Variants in CDH8 observed in about 807,000 individuals in gnomAD.
CDH8 encodes the protein cadherin 8.
CDH8 carries 17 observed loss-of-function variants against 68.1 expected under a neutral mutation model. The ratio of observed to expected loss-of-function variants is 0.25; its 90% CI spans 0.17 to 0.37. The LOEUF (loss-of-function observed/expected upper bound fraction) is 0.37. Among genes scored for constraint, CDH8 ranks in the 10% least tolerant of loss-of-function variants. CDH8 has a pLI of 1.00. For missense variants in CDH8, 763 were observed against 999.3 expected (o/e 0.76, Z 3.19); for synonymous variants, 372 against 365.1 (o/e 1.02, Z -0.21).
At chr16:61,709,194 A>T (rs1964584569) in intron 10 of CDH8, among the ~76,000 whole-genome samples, 1 of 152,042 alleles carries the variant, frequency 6.6e-6, no homozygotes, top group Non-Finnish European at 1.5e-5. Context: ...CTATTGTAAT[A>T]GCAGAACTTA....
chr16:62,013,920 A>G (rs115524641), intron 2 of CDH8, among the ~76,000 whole-genome samples: 124 of 152,336 alleles, frequency 8.1e-4, no homozygotes, highest in African/African-American at 2.8e-3. Flanking sequence ...ATCTGCCTTC[A>G]TGAGATGACT....
In CDH8 at chr16:61,648,203, A is replaced by T. The variant is rs551471320; in HGVS notation, c.*5405T>A. On this transcript the variant is annotated 3_prime_UTR_variant, in exon 12 of 12. Transcript: ENST00000577390. ...TAATTTAACCCTGAAAATTCCTTAT[A>T]ACGTTTCTGAACTTCATTTTTCCTA... 9.8e-5 allele frequency: 18 copies of T among 183,580 alleles called. No homozygotes were observed. The highest frequency in any genetic ancestry group is 2.4e-3 in the Middle Eastern group (1 of 414). 11.4% of individuals were successfully genotyped at this position (183,580 alleles called of 1,614,324 possible).
At chr16:61,897,434 G>A (rs766853901) in intron 3 of CDH8, among the ~76,000 whole-genome samples, 30 of 152,224 alleles carry the variant, frequency 2.0e-4, no homozygotes, top group Non-Finnish European at 3.4e-4. Flanking sequence ...TGTATTTTTA[G>A]TAGGGACAGG....
At chr16:62,011,161 C>T (rs985090533) in intron 2 of CDH8, among the ~76,000 whole-genome samples, 1 of 152,148 alleles carries the variant, frequency 6.6e-6, no homozygotes, top group Non-Finnish European at 1.5e-5. Flanking sequence ...TGATCAGGCT[C>T]ATTTGTATTT....
intron 7 of CDH8, among the ~76,000 whole-genome samples, chr16:61,814,372 A>G (rs1458001814): frequency 6.6e-6 from 1 of 152,188 alleles, no homozygotes; most frequent in African/African-American, 2.4e-5. Flanking sequence ...AAGATGACGG[A>G]TTTTTCTCTA....
At chr16:61,854,255 C>T (rs1387947712) in intron 4 of CDH8, among the ~76,000 whole-genome samples, 1 of 151,882 alleles carries the variant, frequency 6.6e-6, no homozygotes, top group Non-Finnish European at 1.5e-5. Flanking sequence ...AGCTGAAGTA[C>T]CTTTAGGCTT....
intron 2 of CDH8, among the ~76,000 whole-genome samples, chr16:61,942,526 AAGAGG>A (rs1434044863): frequency 6.6e-6 from 1 of 151,984 alleles, no homozygotes; most frequent in Non-Finnish European, 1.5e-5. Context: ...ACAAAACAAA[AAGAGG>A]AGAGGAGAGG....
At position 61,944,922 on chromosome 16, in the gene CDH8, T is replaced by TA. The variant is rs564554301; in HGVS notation, c.253-43450dup. ...AAAAGTGCATAGATATAGGTATAGA[T>TA]ATAAAATTAAATTCCTATCAATGAT... is the stretch of plus-strand genomic sequence containing the variant. On this transcript the variant is annotated intron_variant, in intron 2 of 11. Coordinates refer to ENST00000577390, the MANE Select transcript of CDH8 (RefSeq NM_001796.5). Among the ~76,000 whole-genome samples, 567 of 152,032 alleles carry TA rather than the reference T, an allele frequency of 3.7e-3. 3 individuals carry two copies. Among genetic ancestry groups the TA allele is most frequent in the Middle Eastern group, 0.017 (5 of 294 alleles).
chr16:61,846,347 A>T (rs1339617126), intron 4 of CDH8, among the ~76,000 whole-genome samples: 1 of 152,134 alleles, frequency 6.6e-6, no homozygotes, highest in African/African-American at 2.4e-5. Flanking sequence ...TTATGATGGC[A>T]TCTCTCCAGT....
rs75963133 is a variant in CDH8, at chr16:62,000,504, G to T, written c.252+20648C>A. ...TGAGTAGACTGGCTTTCAAAATGTT[G>T]TGAGAAAAAGCTAGAATAAAAAAAA... On this transcript the variant is annotated intron_variant, in intron 2 of 11. Transcript: ENST00000577390. Among the ~76,000 whole-genome samples the T allele has an allele frequency of 3.8e-4, 58 of 152,254 alleles. No individual in the cohort carries two copies. The East Asian group carries it at 7.5e-3, about 20-fold the overall frequency.
intron 10 of CDH8, among the ~76,000 whole-genome samples, chr16:61,695,497 T>C (rs1443612204): frequency 2.0e-5 from 3 of 152,140 alleles, no homozygotes; most frequent in Admixed American, 2.0e-4. Flanking sequence ...TCTGAGGCCT[T>C]GTGAAGACAT....
intron 10 of CDH8, among the ~76,000 whole-genome samples, chr16:61,710,460 CA>C (rs753869550): frequency 2.0e-5 from 3 of 151,960 alleles, no homozygotes; most frequent in Non-Finnish European, 4.4e-5. Flanking sequence ...CAAAAGTATG[CA>C]TTTAAAGTAA....
chr16:61,918,986 CT>C (rs1052072957), intron 2 of CDH8, among the ~76,000 whole-genome samples: 2 of 147,414 alleles, frequency 1.4e-5, no homozygotes, highest in Admixed American at 7.0e-5. Flanking sequence ...GGCAGACTGC[CT>C]CTTCAAGTGG....
At chr16:61,866,084 G>C (rs1039054209) in intron 3 of CDH8, among the ~76,000 whole-genome samples, 1 of 81,626 alleles carries the variant, frequency 1.2e-5, no homozygotes, top group Admixed American at 1.5e-4. Context: ...GGGCATGGTG[G>C]TGTGCACCTG....
chr16:61,894,298 A>T (rs915787454), intron 3 of CDH8, among the ~76,000 whole-genome samples: 1 of 152,188 alleles, frequency 6.6e-6, no homozygotes, highest in African/African-American at 2.4e-5. Context: ...TCAGGTGTGA[A>T]AGTCATAAGT....
At chr16:61,848,146 A>T (rs961884837) in intron 4 of CDH8, among the ~76,000 whole-genome samples, 16 of 152,126 alleles carry the variant, frequency 1.1e-4, no homozygotes, top group African/African-American at 4.8e-5. Flanking sequence ...TTCTGAAGGG[A>T]CATGATACAT....
chr16:61,681,674 T>C (rs567643658), intron 10 of CDH8, among the ~76,000 whole-genome samples: 1 of 151,830 alleles, frequency 6.6e-6, no homozygotes. Flanking sequence ...TTATGGAATG[T>C]AAATGATTTC....
At chr16:61,781,364 A>G (rs1322593441) in intron 8 of CDH8, among the ~76,000 whole-genome samples, 1 of 152,150 alleles carries the variant, frequency 6.6e-6, no homozygotes, top group Non-Finnish European at 1.5e-5. Context: ...TAATCCCAGC[A>G]GGAGGATCAG....
In CDH8 at chr16:61,690,689, C is replaced by T. The variant is rs1447593895; in HGVS notation, c.1654+23152G>A. 3.9e-5 allele frequency among the ~76,000 whole-genome samples: 6 copies of T among 151,942 alleles called. No individual in the cohort carries two copies. The South Asian group carries it at 6.2e-4, about 16-fold the overall frequency. ...TTTCTTTTTCCTGTGCCAGGTAACACGTTTATTAGCAGAACCATATGTTGG... is the reference window on the plus strand; with the variant it reads ...TTTCTTTTTCCTGTGCCAGGTAACATGTTTATTAGCAGAACCATATGTTGG... On this transcript the variant is annotated intron_variant, in intron 10 of 11. Transcript: ENST00000577390.
Sources: allele counts gnomAD v4.1 joint callset (sites outside exome capture counted in the v4.1 genomes callset), GRCh38; gene constraint gnomAD v4.1.1; transcripts MANE v1.5; gene names NCBI Gene and HGNC (gene_info 2026-07-23, HGNC 2026-07-21).